The following ASB17 variants were observed in gnomAD, a reference collection of about 807,000 sequenced individuals.
ASB17 encodes the protein ankyrin repeat and SOCS box containing 17, also known as ankyrin repeat and SOCS box protein 17.
A neutral mutation model predicts 25.7 loss-of-function variants in ASB17; 26 were observed. The ratio of observed to expected loss-of-function variants is 1.01; its 90% CI spans 0.74 to 1.40. ASB17 has a LOEUF of 1.40. Ranked by LOEUF, ASB17 falls within the 40% of genes most tolerant of loss-of-function variation. The probability of loss-of-function intolerance (pLI) is 0.00; values close to 1 mark genes in which losing one functional copy is unlikely to be tolerated. For synonymous variants in ASB17, 128 were observed against 121.4 expected (o/e 1.05, Z -0.36); for missense variants, 326 against 338.5 (o/e 0.96, Z 0.29).
intron 2 of ASB17, among the ~76,000 whole-genome samples, chr1:75,920,017 C>G (rs1652985541): frequency 1.3e-5 from 2 of 152,104 alleles, no homozygotes; most frequent in African/African-American, 4.8e-5. Flanking sequence ...TAGTAACGGT[C>G]AACTTAGCCA....
chr1:75,919,786 T>C (rs1269967844), intron 2 of ASB17, among the ~76,000 whole-genome samples: 1 of 152,168 alleles, frequency 6.6e-6, no homozygotes, highest in Non-Finnish European at 1.5e-5. Context: ...CAGTCTATCA[T>C]TGTTGGACAT....
chr1:75,927,121 T>C (rs1458615025), intron 1 of ASB17, among the ~76,000 whole-genome samples: 2 of 152,138 alleles, frequency 1.3e-5, no homozygotes, highest in Non-Finnish European at 2.9e-5. Context: ...CCAAGGAATG[T>C]AGATGGCCTC....
chr1:75,923,198 T>C (rs760898638), intron 1 of ASB17, among the ~76,000 whole-genome samples: 26 of 152,188 alleles, frequency 1.7e-4, no homozygotes, highest in Non-Finnish European at 3.4e-4. Flanking sequence ...TTTTTCACTT[T>C]AATAAAATTA....
chr1:75,921,218 G>T (rs202234464), intron 2 of ASB17, among the ~76,000 whole-genome samples: 1 of 151,856 alleles, frequency 6.6e-6, no homozygotes, highest in Non-Finnish European at 1.5e-5. Flanking sequence ...AAAAAAATTT[G>T]TTTTAAAAAT....
At chr1:75,922,530 C>G (rs1248871314) in intron 1 of ASB17, among the ~76,000 whole-genome samples, 171 bp from the exon 2 acceptor site, 1 of 88,348 alleles carries the variant, frequency 1.1e-5, no homozygotes, top group African/African-American at 4.0e-5. Flanking sequence ...GAGTTTCCCT[C>G]TTGTTGCTCA....
chr1:75,932,087 C>A lies in ASB17; in HGVS notation c.205G>T (p.Asp69Tyr), dbSNP rs770024127. Residue 69 changes from aspartate (D) to tyrosine (Y), a missense_variant, in exon 1 of 3, where the codon GAT becomes TAT. Physicochemically the swap from Asp to Tyr is radical, Grantham distance 160. Coordinates refer to ENST00000284142, the MANE Select transcript of ASB17 (RefSeq NM_080868.3). ...DLDGFDALLT[D>Y]YIAFVEKSGY... ...GATTTTTCCACAAATGCAATGTAAT[C>A]TGTGAGTAGTGCGTCAAAACCATCC... 3.1e-6 allele frequency: 5 copies of A among 1,613,916 alleles called. No homozygotes were observed. The African/African-American group carries it at 6.7e-5, about 22-fold the overall frequency.
At position 75,931,908 on chromosome 1, in the gene ASB17, G is replaced by T. The variant is rs755732849; in HGVS notation, c.384C>A (p.Asn128Lys). ...ATTATTACCTCCATATCAGTGCCAG[G>T]TTACAACTTCTGTCTTGAACATAGT... is the stretch of plus-strand genomic sequence containing the variant. ...TKDYVQDRSC[N>K]LALIWRTFTP... The change falls in exon 1 of 3, where the codon AAC becomes AAA. Residue 128 changes from asparagine (N) to lysine (K), a missense_variant. Physicochemically the swap from Asn to Lys is moderately conservative, Grantham distance 94. Transcript: ENST00000284142. 13 of 1,602,116 alleles carry T rather than the reference G, an allele frequency of 8.1e-6. No homozygotes were observed. The highest frequency in any genetic ancestry group is 1.7e-5 in the Admixed American group (1 of 58,096).
intron 2 of ASB17, among the ~76,000 whole-genome samples, chr1:75,921,065 C>T (rs1653014411): frequency 6.6e-6 from 1 of 151,990 alleles, no homozygotes; most frequent in African/African-American, 2.4e-5. Context: ...TGAGCCACTG[C>T]GCCCGGCCTG....
chr1:75,922,789 C>A (rs537389472), intron 1 of ASB17, among the ~76,000 whole-genome samples: 1 of 152,194 alleles, frequency 6.6e-6, no homozygotes, highest in African/African-American at 2.4e-5. Flanking sequence ...AGCCACTGCA[C>A]CCAGCCTATA....
chr1:75,931,742 G>C, intron 1 of ASB17, 149 bp downstream of exon 1: 1 of 587,284 alleles, frequency 1.7e-6, no homozygotes, highest in South Asian at 3.0e-5. Context: ...ATAAAAGAGT[G>C]AAGGAGTGAA....
rs529999662 is a variant in ASB17 at position 75,924,905 on chromosome 1, C to T, written c.402-2546G>A. Among the ~76,000 whole-genome samples, 6 of 151,952 alleles carry T rather than the reference C, an allele frequency of 3.9e-5. No homozygotes were observed. In the South Asian group the frequency reaches 1.2e-3, roughly 32 times the overall value. On this transcript the variant is annotated intron_variant, in intron 1 of 2. Coordinates refer to ENST00000284142, the MANE Select transcript of ASB17 (RefSeq NM_080868.3). ...CTCTTCTTTGATTACCCTGATATAT[C>T]TCATACTCCTCAGGGCACTTTGTAC...
Position 75,932,262 on chromosome 1 carries a change from C to A in ASB17, c.30G>T (p.Lys10Asn), listed in dbSNP as rs1040146112. 1.2e-6 allele frequency: 2 copies of A among 1,611,650 alleles called. No individual in the cohort carries two copies. The highest frequency in any genetic ancestry group is 1.7e-6 in the Non-Finnish European group (2 of 1,178,826). Residue 10 changes from lysine to asparagine, a missense_variant, in exon 1 of 3, where the codon AAG (lysine) becomes AAT (asparagine). Transcript: ENST00000284142. Reference sequence around the variant, plus strand: ...ATATATTGCTTCTTGGACAAGAAGTCTTACCACATAATTTAGTAGATTTAC... The same window carrying A: ...ATATATTGCTTCTTGGACAAGAAGTATTACCACATAATTTAGTAGATTTAC... MSKSTKLCG[K>N]TSCPRSNIFC... is the part of the protein sequence containing the mutation.
chr1:75,929,256 G>A (rs375084728), intron 1 of ASB17, among the ~76,000 whole-genome samples: 1 of 150,868 alleles, frequency 6.6e-6, no homozygotes, highest in Non-Finnish European at 1.5e-5. Flanking sequence ...ACGGATTCTC[G>A]CTCTGTCGCC....
intron 2 of ASB17, among the ~76,000 whole-genome samples, chr1:75,920,960 G>A (rs1287514086): frequency 1.3e-5 from 2 of 152,068 alleles, no homozygotes; most frequent in Non-Finnish European, 2.9e-5. Flanking sequence ...ATTTTTAGTA[G>A]AGACGGGGTT....
intron 2 of ASB17, among the ~76,000 whole-genome samples, chr1:75,919,793 A>G (rs1361608301): frequency 6.6e-6 from 1 of 152,194 alleles, no homozygotes; most frequent in East Asian, 1.9e-4. Context: ...TCATTGTTGG[A>G]CATTTGGGTT....
chr1:75,927,746 G>A (rs1653210615), intron 1 of ASB17, among the ~76,000 whole-genome samples: 1 of 151,946 alleles, frequency 6.6e-6, no homozygotes, highest in Non-Finnish European at 1.5e-5. Flanking sequence ...TGGTTTCCCT[G>A]CCCTAGCTGC....
intron 1 of ASB17, among the ~76,000 whole-genome samples, chr1:75,928,252 A>G (rs956530391): frequency 1.3e-5 from 2 of 152,212 alleles, no homozygotes; most frequent in South Asian, 2.1e-4. Context: ...ACTTACTAGT[A>G]TATGAGCTCT....
At chr1:75,927,929 A>G (rs1653214257) in intron 1 of ASB17, among the ~76,000 whole-genome samples, 1 of 152,126 alleles carries the variant, frequency 6.6e-6, no homozygotes, top group Non-Finnish European at 1.5e-5. Context: ...CTCTTACTAC[A>G]TGATTCCTAT....
At chr1:75,924,341 C>A (rs536080312) in intron 1 of ASB17, among the ~76,000 whole-genome samples, 2 of 152,126 alleles carry the variant, frequency 1.3e-5, no homozygotes, top group African/African-American at 4.8e-5. Flanking sequence ...TTGTTCAGGT[C>A]TCCAAAAAGT....
Sources: gnomAD v4.1 joint callset for allele counts (sites outside exome capture counted in the v4.1 genomes callset) on GRCh38, gnomAD v4.1.1 for gene constraint, MANE v1.5 for transcripts, NCBI Gene and HGNC (gene_info 2026-07-23, HGNC 2026-07-21) for gene names.